TEX26: variants seen among roughly 807,000 people sequenced by gnomAD.
TEX26 encodes the protein testis expressed 26.
In TEX26, 34 loss-of-function variants were observed where a neutral mutation model predicts 35.3. The ratio of observed to expected loss-of-function variants is 0.96; its 90% CI spans 0.73 to 1.28. The LOEUF is 1.28. Among genes scored for constraint, TEX26 ranks in the 50% most tolerant of loss-of-function variants. The pLI is 0.00. For synonymous variants in TEX26, 136 were observed against 111.8 expected (o/e 1.22, Z -1.36); for missense variants, 371 against 330.1 (o/e 1.12, Z -0.96).
chr13:30,942,747 C>A (rs1049576542), intron 2 of TEX26, among the ~76,000 whole-genome samples: 1 of 152,066 alleles, frequency 6.6e-6, no homozygotes, highest in African/African-American at 2.4e-5. Context: ...GGTGTCCTTT[C>A]CCAAATTTAT....
At chr13:30,957,518 A>G (rs186192318) in intron 4 of TEX26, among the ~76,000 whole-genome samples, 3 of 152,294 alleles carry the variant, frequency 2.0e-5, no homozygotes, top group Non-Finnish European at 4.4e-5. Context: ...AGAGGTTTTT[A>G]TTAAGGTAGT....
In TEX26 at chr13:30,968,919, A is replaced by G. The variant is rs1323441597; in HGVS notation, c.681A>G (p.Gln227=). ...TGCTGCACAGCTACCTGAGGAACCA[A>G]GAGCACACAAAGAAACAGACCACAT... is the stretch of plus-strand genomic sequence containing the variant. The part of the protein sequence containing the change: ...PSVLHSYLRN[Q]EHTKKQTTYQ... The change falls in exon 6 of 7, where the codon CAA becomes CAG. Residue 227 remains glutamine (Q), a synonymous_variant. Transcript: ENST00000380473. 6.2e-7 allele frequency: 1 copy of G among 1,614,000 alleles called. No homozygotes were observed. Among genetic ancestry groups the G allele is most frequent in the Non-Finnish European group, 8.5e-7 (1 of 1,180,008 alleles).
intron 6 of TEX26, among the ~76,000 whole-genome samples, chr13:30,974,235 AGGG>A (rs1201685538): frequency 6.7e-5 from 10 of 149,998 alleles, no homozygotes; most frequent in Non-Finnish European, 1.2e-4. Flanking sequence ...GAGGCCAGGG[AGGG>A]GGAGTTGAAG....
In TEX26 at chr13:30,966,272, C is replaced by G; in HGVS notation, c.520C>G (p.Leu174Val). Residue 174 changes from leucine (L) to valine (V), a missense_variant, in exon 5 of 7, where the codon CTT (leucine) becomes GTT (valine). Leu to Val is a conservative substitution (Grantham distance 32). Coordinates refer to ENST00000380473, the MANE Select transcript of TEX26 (RefSeq NM_152325.3). The part of the protein sequence containing the change: ...SHLSLEWKKL[L>V]PQPPDTEFRR... ...CTTGTCTCTGGAATGGAAAAAGTTA[C>G]TTCCCCAACCTCCAGACACTGAATT... is the stretch of plus-strand genomic sequence containing the variant. 6.2e-7 allele frequency: 1 copy of G among 1,614,060 alleles called. No homozygotes were observed. The highest frequency in any genetic ancestry group is 8.5e-7 in the Non-Finnish European group (1 of 1,180,012).
intron 2 of TEX26, among the ~76,000 whole-genome samples, chr13:30,948,921 G>A (rs1566148640): frequency 6.6e-6 from 1 of 152,238 alleles, no homozygotes; most frequent in Non-Finnish European, 1.5e-5. Flanking sequence ...TTTTGTATAA[G>A]GTGTAAGGAA....
intron 3 of TEX26, among the ~76,000 whole-genome samples, chr13:30,954,727 G>A (rs1954063125): frequency 6.6e-6 from 1 of 151,988 alleles, no homozygotes; most frequent in African/African-American, 2.4e-5. Context: ...CAAAGCCCTG[G>A]GATTACAGCC....
rs377493481 is a variant in TEX26, at chr13:30,955,896, G to T, written c.313-977G>T. On this transcript the variant is annotated intron_variant, in intron 3 of 6. Transcript: ENST00000380473. The stretch of plus-strand genomic sequence containing the variant: ...GGGACACGGTTGGTGGGCTGTGGAG[G>T]TTATTTTCTGGTGGCTTCAATTTTC... 1.2e-4 allele frequency among the ~76,000 whole-genome samples: 18 copies of T among 152,274 alleles called. No individual in the cohort carries two copies. The South Asian group carries it at 1.9e-3, about 16-fold the overall frequency.
At chr13:30,962,408 G>A (rs1470571336) in intron 4 of TEX26, among the ~76,000 whole-genome samples, 1 of 152,154 alleles carries the variant, frequency 6.6e-6, no homozygotes, top group Non-Finnish European at 1.5e-5. Flanking sequence ...TGTGCTGGTG[G>A]CACACATTGC....
At chr13:30,963,480 C>A (rs764408888) in intron 4 of TEX26, among the ~76,000 whole-genome samples, 4 of 152,132 alleles carry the variant, frequency 2.6e-5, no homozygotes, top group Non-Finnish European at 5.9e-5. Flanking sequence ...ACAAAAGCCT[C>A]AATTTTAAAG....
At chr13:30,936,712 C>T (rs758907608) in intron 1 of TEX26, 56 of 985,122 alleles carry the variant, frequency 5.7e-5, no homozygotes, top group South Asian at 9.4e-5. Context: ...GCTGGGTCCA[C>T]GGGAGGGCTT....
At chr13:30,968,841 G>T in intron 5 of TEX26, 44 bp from the exon 6 acceptor site, 2 of 1,587,882 alleles carry the variant, frequency 1.3e-6, no homozygotes, top group Non-Finnish European at 1.7e-6. Context: ...TGGTGTGCTT[G>T]GGTGCCAGCC....
intron 6 of TEX26, among the ~76,000 whole-genome samples, chr13:30,974,131 A>AAAAATATATATATATATATATATATAT: frequency 5.9e-5 from 5 of 84,416 alleles, no homozygotes; most frequent in Non-Finnish European, 8.9e-5. Context: ...AAAAAAAAAA[A>AAAAATATATATATATATATATATATAT]ATATATATAT....
chr13:30,961,289 T>C (rs1954333468), intron 4 of TEX26, among the ~76,000 whole-genome samples: 1 of 152,250 alleles, frequency 6.6e-6, no homozygotes, highest in Non-Finnish European at 1.5e-5. Flanking sequence ...AATAGTCATA[T>C]GACTATGCAG....
chr13:30,966,260 T>C lies in TEX26; in HGVS notation c.508T>C (p.Trp170Arg), dbSNP rs1288776754. 6.2e-7 allele frequency: 1 copy of C among 1,614,032 alleles called. No homozygotes were observed. Among genetic ancestry groups the C allele is most frequent in the Non-Finnish European group, 8.5e-7 (1 of 1,180,008 alleles). ...IKKSSHLSLE[W>R]KKLLPQPPDT... ...GAAAAGTTCTCACTTGTCTCTGGAATGGAAAAAGTTACTTCCCCAACCTCC... is the reference window on the plus strand; with the variant it reads ...GAAAAGTTCTCACTTGTCTCTGGAACGGAAAAAGTTACTTCCCCAACCTCC... Residue 170 changes from tryptophan to arginine, a missense_variant, in exon 5 of 7, where the codon TGG becomes CGG. By Grantham distance (101) the Trp-to-Arg change is moderately radical. Transcript: ENST00000380473.
intron 6 of TEX26, among the ~76,000 whole-genome samples, chr13:30,974,340 T>A (rs1475000470): frequency 6.6e-6 from 1 of 151,652 alleles, no homozygotes; most frequent in East Asian, 1.9e-4. Flanking sequence ...TCTATGAAAA[T>A]TTTGGAACAA....
chr13:30,940,602 G>A (rs1953457391), intron 2 of TEX26, among the ~76,000 whole-genome samples: 1 of 151,998 alleles, frequency 6.6e-6, no homozygotes, highest in Admixed American at 6.6e-5. Context: ...CCAAGTGTTG[G>A]GATTACAGGC....
intron 1 of TEX26, among the ~76,000 whole-genome samples, chr13:30,934,353 T>C (rs1002543522): frequency 4.6e-5 from 7 of 152,188 alleles, no homozygotes; most frequent in African/African-American, 1.7e-4. Context: ...CCAGGTTTGG[T>C]CCGAAATAGG....
At chr13:30,939,472 T>G (rs1566139925) in intron 1 of TEX26, among the ~76,000 whole-genome samples, 1 of 152,220 alleles carries the variant, frequency 6.6e-6, no homozygotes, top group Non-Finnish European at 1.5e-5. Flanking sequence ...GCATGAATGC[T>G]CAGGAGAAAC....
At chr13:30,934,402 T>A (rs778045215) in intron 1 of TEX26, among the ~76,000 whole-genome samples, 13 of 152,206 alleles carry the variant, frequency 8.5e-5, no homozygotes, top group Non-Finnish European at 1.6e-4. Context: ...TGTTATTGAA[T>A]AATTACTACA....
Sources: gnomAD v4.1 joint callset for allele counts (sites outside exome capture counted in the v4.1 genomes callset) on GRCh38, gnomAD v4.1.1 for gene constraint, MANE v1.5 for transcripts, NCBI Gene and HGNC (gene_info 2026-07-23, HGNC 2026-07-21) for gene names.